Variants in COL4A1 observed in about 807,000 individuals in gnomAD.
The protein encoded by COL4A1 is collagen type IV alpha 1 chain.
COL4A1 carries 40 observed loss-of-function variants against 216.6 expected under a neutral mutation model. That is an observed-to-expected ratio of 0.18 (90% confidence interval 0.14 to 0.24). The LOEUF (loss-of-function observed/expected upper bound fraction) is 0.24. Among genes scored for constraint, COL4A1 ranks in the 10% least tolerant of loss-of-function variants. The pLI is 1.00. For synonymous variants in COL4A1, 839 were observed against 810.7 expected, an observed-to-expected ratio of 1.03 and a Z score of -0.59; for missense variants, 1,628 against 2,196.8, an observed-to-expected ratio of 0.74 and a Z score of 5.18.
intron 18 of COL4A1, among the ~76,000 whole-genome samples, chr13:110,202,362 G>A (rs535977014): frequency 3.4e-4 from 51 of 151,906 alleles, no homozygotes; most frequent in Non-Finnish European, 5.3e-4. Context: ...TTCAAGACAA[G>A]CGGCAAAGTC....
intron 1 of COL4A1, among the ~76,000 whole-genome samples, chr13:110,264,679 C>A (rs1882952943): frequency 6.6e-6 from 1 of 152,184 alleles, no homozygotes; most frequent in South Asian, 2.1e-4. Context: ...CCCAGTGAAT[C>A]AAAAGTATTA....
Position 110,252,655 on chromosome 13 carries a change from A to ATATATGTATATATACATATAAT in COL4A1, c.85-9943_85-9922dup, listed in dbSNP as rs1882178632. Reference sequence around the variant, plus strand: ...TTATATATACTTATATACAAAATGTATATATGTATATATACATATAATATG... The same window carrying ATATATGTATATATACATATAAT: ...TTATATATACTTATATACAAAATGTATATATGTATATATACATATAATTATATGTATATATACATATAATATG... On this transcript the variant is annotated intron_variant, in intron 1 of 51. Coordinates refer to ENST00000375820, the MANE Select transcript of COL4A1 (RefSeq NM_001845.6). Among the ~76,000 whole-genome samples, 15 of 60,858 alleles carry ATATATGTATATATACATATAAT rather than the reference A, an allele frequency of 2.5e-4. 1 individual carries two copies. The highest frequency in any genetic ancestry group is 1.5e-3 in the South Asian group (3 of 1,940). 39.9% of individuals were successfully genotyped at this position (60,858 alleles called of 152,430 possible). A position where few individuals can be genotyped will look rare whatever the true frequency, so the allele number is the denominator to read the frequency against.
intron 23 of COL4A1, 123 bp downstream of exon 23, chr13:110,192,707 G>T: frequency 1.3e-6 from 1 of 749,504 alleles, no homozygotes. Context: ...ACATTCTTCT[G>T]ATTATGCTTT....
intron 2 of COL4A1, among the ~76,000 whole-genome samples, chr13:110,214,383 C>T (rs1291321134): frequency 6.6e-6 from 1 of 152,202 alleles, no homozygotes; most frequent in African/African-American, 2.4e-5. Flanking sequence ...GGCTACCACG[C>T]CTGGCCCGTG....
intron 51 of COL4A1, among the ~76,000 whole-genome samples, chr13:110,151,373 C>T (rs143948686): frequency 9.9e-5 from 15 of 151,732 alleles, no homozygotes; most frequent in African/African-American, 3.4e-4. Context: ...GAGGCATGAA[C>T]AAAGTGCGCT....
At chr13:110,224,010 T>A (rs1286752839) in intron 2 of COL4A1, among the ~76,000 whole-genome samples, 5 of 152,088 alleles carry the variant, frequency 3.3e-5, no homozygotes, top group African/African-American at 1.2e-4. Flanking sequence ...ACTTACTCCA[T>A]TAAAAAAAAT....
At chr13:110,217,353 C>A (rs1420630706) in intron 2 of COL4A1, among the ~76,000 whole-genome samples, 1 of 152,210 alleles carries the variant, frequency 6.6e-6, no homozygotes, top group Non-Finnish European at 1.5e-5. Context: ...GCAGCTGCAA[C>A]TGGCAATGCT....
chr13:110,228,237 C>CGGGGGGGGGGGGGGGGGGGGGGGGGGG (rs59600040), intron 2 of COL4A1, among the ~76,000 whole-genome samples: 1 of 118,998 alleles, frequency 8.4e-6, no homozygotes, highest in Non-Finnish European at 1.7e-5. Context: ...GGTGCGGGGG[C>CGGGGGGGGGGGGGGGGGGGGGGGGGGG]GGGGGGGGGG....
At chr13:110,303,468 T>C (rs1884572107) in intron 1 of COL4A1, among the ~76,000 whole-genome samples, 2 of 152,198 alleles carry the variant, frequency 1.3e-5, no homozygotes, top group South Asian at 4.1e-4. Flanking sequence ...CAATGACATT[T>C]TGGTATCTCA....
intron 1 of COL4A1, among the ~76,000 whole-genome samples, chr13:110,283,893 C>G (rs1407430072): frequency 1.3e-5 from 2 of 152,150 alleles, no homozygotes; most frequent in Non-Finnish European, 2.9e-5. Flanking sequence ...CACATGTCGA[C>G]AGGATGGGAG....
intron 2 of COL4A1, among the ~76,000 whole-genome samples, chr13:110,219,803 T>A (rs1168823033): frequency 7.1e-6 from 1 of 141,812 alleles, no homozygotes; most frequent in Non-Finnish European, 1.5e-5. Flanking sequence ...TATATATGTA[T>A]ATATGTGTAT....
chr13:110,233,962 T>C (rs894484966), intron 2 of COL4A1, among the ~76,000 whole-genome samples: 1 of 152,246 alleles, frequency 6.6e-6, no homozygotes, highest in Non-Finnish European at 1.5e-5. Flanking sequence ...TGGGGATCCA[T>C]GTCTATGTCT....
chr13:110,248,507 G>A (rs1299734281), intron 1 of COL4A1, among the ~76,000 whole-genome samples: 1 of 151,956 alleles, frequency 6.6e-6, no homozygotes, highest in East Asian at 1.9e-4. Flanking sequence ...CCTTCATCAC[G>A]TCCTGCTGGG....
intron 49 of COL4A1, among the ~76,000 whole-genome samples, chr13:110,157,203 G>A (rs991498075): frequency 6.6e-6 from 1 of 152,190 alleles, no homozygotes; most frequent in Admixed American, 6.5e-5. Flanking sequence ...AAGACAGAAC[G>A]AAAATGCAGT....
rs929311502 is a variant in COL4A1 at position 110,218,359 on chromosome 13, C to T, written c.145-4344G>A. On this transcript the variant is annotated intron_variant, in intron 2 of 51. Transcript: ENST00000375820. ...TGCCAGCTCTCGGGGGCTTCCTCTA[C>T]GCACGGAATGAGTACGGGTACCGGG... Among the ~76,000 whole-genome samples the T allele has an allele frequency of 3.3e-5, 5 of 152,206 alleles. No homozygotes were observed. The East Asian group carries it at 5.8e-4, about 18-fold the overall frequency.
intron 1 of COL4A1, among the ~76,000 whole-genome samples, chr13:110,302,798 TC>T (rs1368487214): frequency 1.3e-5 from 2 of 152,234 alleles, no homozygotes; most frequent in South Asian, 2.1e-4. Context: ...TGACATTTTT[TC>T]ATGGTTGCTT....
In COL4A1 at chr13:110,157,619, G is replaced by A. The variant is rs1042382557; in HGVS notation, c.4641-2222C>T. On this transcript the variant is annotated intron_variant, in intron 49 of 51. Transcript: ENST00000375820. ...GGAAGGTCCCTTCATGCTGAGCTTC[G>A]ATGTGTCAACTAACAGGAAGACATA... is the stretch of plus-strand genomic sequence containing the variant. Among the ~76,000 whole-genome samples the A allele has an allele frequency of 1.3e-5, 2 of 152,194 alleles. 1 individual carries two copies. The highest frequency in any genetic ancestry group is 4.8e-5 in the African/African-American group (2 of 41,444).
At chr13:110,240,644 T>G (rs1222778152) in intron 2 of COL4A1, among the ~76,000 whole-genome samples, 1 of 152,216 alleles carries the variant, frequency 6.6e-6, no homozygotes, top group East Asian at 1.9e-4. Context: ...GCGGCCCCTT[T>G]CCTTCAGGCC....
At position 110,200,117 on chromosome 13, in the gene COL4A1, C is replaced by T. The variant is rs1260176563; in HGVS notation, c.1120+737G>A. 4.6e-5 allele frequency among the ~76,000 whole-genome samples: 7 copies of T among 152,330 alleles called. No homozygotes were observed. The East Asian group carries it at 9.6e-4, about 21-fold the overall frequency. ...TAAACATCAAAAACAAAGCAAAAAG[C>T]GTAAAGGCTGCGAACACTCCGTTGT... On this transcript the variant is annotated intron_variant, in intron 20 of 51. Transcript: ENST00000375820.
Sources: allele counts gnomAD v4.1 joint callset (sites outside exome capture counted in the v4.1 genomes callset), GRCh38; gene constraint gnomAD v4.1.1; transcripts MANE v1.5; gene names NCBI Gene and HGNC (gene_info 2026-07-23, HGNC 2026-07-21).